Variants in KIAA1217 observed in about 807,000 individuals in gnomAD.
The protein encoded by KIAA1217 is KIAA1217.
KIAA1217 carries 88 observed loss-of-function variants against 163.9 expected under a neutral mutation model. The observed-to-expected ratio is 0.54, with a 90% CI of 0.45 to 0.64. KIAA1217 has a LOEUF of 0.64. KIAA1217 is among the 30% of genes least tolerant of loss of function. The pLI, the probability that KIAA1217 is intolerant of heterozygous loss-of-function variation, is 0.00. For missense variants in KIAA1217, 2,372 were observed against 2,475.0 expected (o/e 0.96, Z 0.88); for synonymous variants, 903 against 923.1 (o/e 0.98, Z 0.39).
At chr10:24,432,939 G>T in intron 3 of KIAA1217, 56 bp from the exon 4 acceptor site, 1 of 1,424,324 alleles carries the variant, frequency 7.0e-7, no homozygotes, top group Non-Finnish European at 9.9e-7. Context: ...CTCAGCTTGT[G>T]CTGTGTGTCC....
intron 1 of KIAA1217, among the ~76,000 whole-genome samples, chr10:23,728,199 C>T (rs576514545): frequency 6.6e-6 from 1 of 152,314 alleles, no homozygotes; most frequent in Admixed American, 6.5e-5. Flanking sequence ...ATTGGTGGCT[C>T]AAATGGTATT....
At chr10:23,789,887 C>A (rs1230202155) in intron 1 of KIAA1217, among the ~76,000 whole-genome samples, 2 of 147,952 alleles carry the variant, frequency 1.4e-5, no homozygotes, top group Non-Finnish European at 3.0e-5. Context: ...ATATATATAT[C>A]ATATATATGA....
Position 24,433,153 on chromosome 10 carries a change from G to A in KIAA1217, c.712G>A (p.Asp238Asn), listed in dbSNP as rs560795272. The change falls in exon 4 of 21, where the codon GAT (aspartate) becomes AAT (asparagine). Residue 238 changes from aspartate (D) to asparagine (N), a missense_variant. Asp to Asn is a conservative substitution (Grantham distance 23, BLOSUM62 1). Coordinates refer to ENST00000376454, the MANE Select transcript of KIAA1217 (RefSeq NM_019590.5). ...GCCCAGTGTCGCCATTTACATCAAA[G>A]ATGAAAGCAGAAATGTCTATTATGA... is the stretch of plus-strand genomic sequence containing the variant. ...ESPSVAIYIK[D>N]ESRNVYYELN... The A allele has an allele frequency of 4.3e-6, 7 of 1,614,052 alleles. No homozygotes were observed. The African/African-American group carries it at 6.7e-5, about 15-fold the overall frequency.
chr10:23,733,818 T>A (rs1487757472), intron 1 of KIAA1217, among the ~76,000 whole-genome samples: 1 of 152,234 alleles, frequency 6.6e-6, no homozygotes, highest in African/African-American at 2.4e-5. Flanking sequence ...AGTAACTTAC[T>A]GCTTCAATTA....
At chr10:24,258,122 C>G (rs1426144273) in intron 2 of KIAA1217, among the ~76,000 whole-genome samples, 1 of 151,992 alleles carries the variant, frequency 6.6e-6, no homozygotes, top group Non-Finnish European at 1.5e-5. Context: ...TCAAGGCTGC[C>G]GTGAGCCGTG....
At chr10:24,400,527 A>T (rs549084389) in intron 3 of KIAA1217, among the ~76,000 whole-genome samples, 1 of 152,312 alleles carries the variant, frequency 6.6e-6, no homozygotes, top group South Asian at 2.1e-4. Flanking sequence ...GCAAGAAGTG[A>T]TGCTTTGGTT....
intron 1 of KIAA1217, among the ~76,000 whole-genome samples, chr10:23,843,550 C>A (rs1564468538): frequency 6.6e-6 from 1 of 152,112 alleles, no homozygotes; most frequent in East Asian, 1.9e-4. Context: ...TGACGAGGAC[C>A]TGTTCCATTG....
upstream of KIAA1217, chr10:24,208,952 C>A (rs895858544): frequency 7.0e-6 from 3 of 425,874 alleles, no homozygotes; most frequent in African/African-American, 4.1e-5. Context: ...GACGGACGGA[C>A]GGACGGACAG....
At chr10:23,946,267 T>TAAAA (rs35262067) in intron 1 of KIAA1217, among the ~76,000 whole-genome samples, 22,945 of 115,346 alleles carry the variant, frequency 0.2, 2,542 homozygotes, top group Middle Eastern at 0.25. Context: ...CTCTTCCGTT[T>TAAAA]AAAAAAAAAA....
intron 2 of KIAA1217, among the ~76,000 whole-genome samples, chr10:24,121,353 A>G (rs531541330): frequency 1.3e-5 from 2 of 152,182 alleles, no homozygotes; most frequent in Non-Finnish European, 2.9e-5. Flanking sequence ...AACTTCACCC[A>G]TGTCATGCTT....
At chr10:24,123,506 T>C (rs1382820524) in intron 2 of KIAA1217, among the ~76,000 whole-genome samples, 1 of 152,194 alleles carries the variant, frequency 6.6e-6, no homozygotes, top group Non-Finnish European at 1.5e-5. Context: ...AGGGAAATTT[T>C]CTAGAAGTTG....
chr10:24,214,085 A>G (rs1346982885), intron 1 of KIAA1217, among the ~76,000 whole-genome samples: 1 of 152,134 alleles, frequency 6.6e-6, no homozygotes, highest in African/African-American at 2.4e-5. Context: ...TGAGCCCAGG[A>G]GTTTGAGGCT....
chr10:24,141,583 C>A lies in KIAA1217; in HGVS notation c.-170-78043C>A, dbSNP rs12264475. 7.6e-3 allele frequency among the ~76,000 whole-genome samples: 1,155 copies of A among 152,260 alleles called. 12 individuals carry two copies. The highest frequency in any genetic ancestry group is 0.024 in the African/African-American group (996 of 41,536). The stretch of plus-strand genomic sequence containing the variant: ...ACCCCTAAATTGTGTGTGCTTTGTT[C>A]TGACCCTAAGCAGCATGCATCAGTC... On this transcript the variant is annotated intron_variant, in intron 2 of 18. Coordinates refer to the KIAA1217 transcript ENST00000376462.
intron 2 of KIAA1217, among the ~76,000 whole-genome samples, chr10:24,202,959 G>A (rs958853342): frequency 6.6e-6 from 1 of 152,148 alleles, no homozygotes; most frequent in East Asian, 1.9e-4. Flanking sequence ...TGAGGCCAGG[G>A]CTGGAGGATT....
intron 2 of KIAA1217, among the ~76,000 whole-genome samples, chr10:24,185,854 A>G (rs7074096): frequency 0.34 from 50,999 of 151,482 alleles, 9,364 homozygotes; most frequent in South Asian, 0.46. Context: ...AATCCCAGCT[A>G]CTAAGAGGCT....
chr10:23,703,675 G>A (rs1295569318), intron 1 of KIAA1217, among the ~76,000 whole-genome samples: 1 of 151,948 alleles, frequency 6.6e-6, no homozygotes, highest in Non-Finnish European at 1.5e-5. Flanking sequence ...TGTTTTCACG[G>A]CTAACAATGA....
At chr10:23,758,305 TA>T (rs532138409) in intron 1 of KIAA1217, among the ~76,000 whole-genome samples, 7 of 152,172 alleles carry the variant, frequency 4.6e-5, no homozygotes, top group African/African-American at 1.2e-4. Flanking sequence ...CCATTTGTTT[TA>T]AAAAAATTAT....
At chr10:24,404,810 G>A (rs935375311) in intron 3 of KIAA1217, among the ~76,000 whole-genome samples, 6 of 152,058 alleles carry the variant, frequency 3.9e-5, no homozygotes, top group Non-Finnish European at 8.8e-5. Context: ...TCTGCAACAA[G>A]GGACAAACTG....
intron 1 of KIAA1217, among the ~76,000 whole-genome samples, chr10:23,764,101 A>G (rs1834396473): frequency 6.6e-6 from 1 of 152,192 alleles, no homozygotes; most frequent in Non-Finnish European, 1.5e-5. Context: ...GAATTTAAAC[A>G]TATTTACAAG....
Sources: gnomAD v4.1 joint callset for allele counts (sites outside exome capture counted in the v4.1 genomes callset) on GRCh38, gnomAD v4.1.1 for gene constraint, MANE v1.5 for transcripts, NCBI Gene and HGNC (gene_info 2026-07-23, HGNC 2026-07-21) for gene names.